The following SLC12A6 variants were observed in gnomAD, a reference collection of about 807,000 sequenced individuals.
The protein encoded by SLC12A6 is solute carrier family 12 member 6, also known as K-Cl cotransporter 3.
In SLC12A6, 66 loss-of-function variants were observed where a neutral mutation model predicts 135.3. The ratio of observed to expected loss-of-function variants is 0.49; its 90% CI spans 0.40 to 0.60. The LOEUF (loss-of-function observed/expected upper bound fraction) is 0.60. Among genes scored for constraint, SLC12A6 ranks in the 20% least tolerant of loss-of-function variants. The pLI is 0.00. For missense variants in SLC12A6, 1,058 were observed against 1,452.3 expected, an observed-to-expected ratio of 0.73 and a Z score of 4.41; for synonymous variants, 513 against 508.8, an observed-to-expected ratio of 1.01 and a Z score of -0.11.
chr15:34,259,861 G>A (rs1474603324), intron 4 of SLC12A6, among the ~76,000 whole-genome samples: 4 of 152,270 alleles, frequency 2.6e-5, no homozygotes, highest in African/African-American at 9.6e-5. Context: ...AATAGCACAC[G>A]ATCTCACTTA....
chr15:34,234,937 T>C (rs1349494370), intron 25 of SLC12A6, among the ~76,000 whole-genome samples: 1 of 152,208 alleles, frequency 6.6e-6, no homozygotes, highest in African/African-American at 2.4e-5. Flanking sequence ...TTTTATACAC[T>C]GAATATTAGA....
intron 3 of SLC12A6, among the ~76,000 whole-genome samples, chr15:34,262,990 A>G (rs937499954): frequency 6.6e-6 from 1 of 152,244 alleles, no homozygotes; most frequent in Admixed American, 6.5e-5. Context: ...CTGGCTGGCA[A>G]AGTGGCCAAG....
At chr15:34,271,763 A>G (rs1442491806) in intron 3 of SLC12A6, among the ~76,000 whole-genome samples, 1 of 152,156 alleles carries the variant, frequency 6.6e-6, no homozygotes, top group African/African-American at 2.4e-5. Context: ...ATACATTAAA[A>G]TAACTGTGCC....
chr15:34,301,788 G>A (rs1029120570), intron 2 of SLC12A6, among the ~76,000 whole-genome samples: 2 of 152,174 alleles, frequency 1.3e-5, no homozygotes, highest in African/African-American at 2.4e-5. Flanking sequence ...TCAGGAGTTC[G>A]AGACCAGCCT....
intron 2 of SLC12A6, among the ~76,000 whole-genome samples, chr15:34,329,883 A>C (rs1334669409): frequency 6.6e-6 from 1 of 152,174 alleles, no homozygotes; most frequent in African/African-American, 2.4e-5. Flanking sequence ...AACAAATTAT[A>C]AACATTTGCT....
intron 2 of SLC12A6, among the ~76,000 whole-genome samples, chr15:34,330,534 T>C (rs1025449377): frequency 1.3e-5 from 2 of 151,952 alleles, no homozygotes; most frequent in Non-Finnish European, 2.9e-5. Context: ...CTGGTCATAG[T>C]GGTGTGCACC....
At chr15:34,323,907 C>T (rs938124504) in intron 2 of SLC12A6, among the ~76,000 whole-genome samples, 27 of 143,522 alleles carry the variant, frequency 1.9e-4, no homozygotes, top group East Asian at 2.2e-4. Flanking sequence ...TGCCACTGCA[C>T]GCCAGCCTAG....
chr15:34,257,470 G>A (rs1250144774), intron 6 of SLC12A6, 172 bp downstream of exon 6: 2 of 635,134 alleles, frequency 3.1e-6, no homozygotes, highest in Non-Finnish European at 2.8e-6. Context: ...GTGACTAACA[G>A]GCACTGAATA....
At chr15:34,328,900 C>CA (rs1193262525) in intron 2 of SLC12A6, among the ~76,000 whole-genome samples, 2 of 152,082 alleles carry the variant, frequency 1.3e-5, no homozygotes, top group African/African-American at 4.8e-5. Flanking sequence ...GACCCTGTCT[C>CA]AAAAAATAAA....
intron 2 of SLC12A6, among the ~76,000 whole-genome samples, chr15:34,332,897 G>C (rs1889948814): frequency 6.6e-6 from 1 of 152,162 alleles, no homozygotes; most frequent in Admixed American, 6.5e-5. Flanking sequence ...TCATAGCAGA[G>C]GCAAAATGAT....
intron 2 of SLC12A6, among the ~76,000 whole-genome samples, chr15:34,287,100 G>A (rs1005247799): frequency 2.6e-5 from 4 of 151,948 alleles, no homozygotes; most frequent in African/African-American, 4.8e-5. Context: ...CCATCAACCC[G>A]TCATCTACAT....
chr15:34,268,061 G>A (rs1893649896), intron 3 of SLC12A6, among the ~76,000 whole-genome samples: 1 of 152,030 alleles, frequency 6.6e-6, no homozygotes, highest in African/African-American at 2.4e-5. Context: ...CCAGACTCAG[G>A]ACCATGTCAT....
intron 2 of SLC12A6, among the ~76,000 whole-genome samples, chr15:34,277,173 G>A (rs1404123595): frequency 6.6e-6 from 1 of 152,188 alleles, no homozygotes; most frequent in Non-Finnish European, 1.5e-5. Context: ...AGTGGCTCCT[G>A]CCTGTTATCC....
chr15:34,257,409 T>G (rs566643671), intron 6 of SLC12A6, among the ~76,000 whole-genome samples: 1 of 152,364 alleles, frequency 6.6e-6, no homozygotes, highest in East Asian at 1.9e-4. Flanking sequence ...CCATTTTCAG[T>G]TGAAGTCTTG....
At chr15:34,293,424 C>T (rs1270421214) in intron 2 of SLC12A6, among the ~76,000 whole-genome samples, 1 of 152,200 alleles carries the variant, frequency 6.6e-6, no homozygotes, top group African/African-American at 2.4e-5. Context: ...CCTGCCTCAC[C>T]TCCCGAGTAG....
At chr15:34,275,873 A>T (rs1488160238) in intron 2 of SLC12A6, among the ~76,000 whole-genome samples, 1 of 152,236 alleles carries the variant, frequency 6.6e-6, no homozygotes, top group African/African-American at 2.4e-5. Flanking sequence ...TAAATATTAT[A>T]TGACTCAATT....
intron 2 of SLC12A6, among the ~76,000 whole-genome samples, chr15:34,316,735 A>C (rs2141106205): frequency 6.6e-6 from 1 of 152,358 alleles, no homozygotes; most frequent in South Asian, 2.1e-4. Flanking sequence ...AGTTGCTAAC[A>C]GATTGAATGA....
chr15:34,235,930 A>T (rs1891231387), intron 24 of SLC12A6, 85 bp downstream of exon 24: 1 of 1,031,882 alleles, frequency 9.7e-7, no homozygotes, highest in Admixed American at 1.7e-5. Context: ...AAATGAACAG[A>T]CTCCATCCTG....
At chr15:34,275,316 TA>T in intron 3 of SLC12A6, 28 bp downstream of exon 3, 1 of 1,215,686 alleles carries the variant, frequency 8.2e-7, no homozygotes, top group Non-Finnish European at 1.2e-6. Context: ...TGACTTTGGA[TA>T]AAGTCAATCC....
Sources: allele counts gnomAD v4.1 joint callset (sites outside exome capture counted in the v4.1 genomes callset), GRCh38; gene constraint gnomAD v4.1.1; transcripts MANE v1.5; gene names NCBI Gene and HGNC (gene_info 2026-07-23, HGNC 2026-07-21).